The following PDE3A variants were observed in gnomAD, a reference collection of about 807,000 sequenced individuals.
The protein encoded by PDE3A is phosphodiesterase 3A.
In PDE3A, 43 loss-of-function variants were observed where a neutral mutation model predicts 98.3. That is an observed-to-expected ratio of 0.44 (90% CI 0.34 to 0.56). PDE3A has a LOEUF of 0.56. Among genes scored for constraint, PDE3A ranks in the 20% least tolerant of loss-of-function variants. PDE3A has a pLI of 0.01. For missense variants in PDE3A, 1,427 were observed against 1,440.7 expected (o/e 0.99, Z 0.15); for synonymous variants, 663 against 567.9 (o/e 1.17, Z -2.38).
chr12:20,528,707 G>A (rs1946570586), intron 1 of PDE3A, among the ~76,000 whole-genome samples: 1 of 152,142 alleles, frequency 6.6e-6, no homozygotes. Context: ...CTGAAGGGAG[G>A]GAGAGGTACA....
Position 20,643,276 on chromosome 12 carries a change from G to A in PDE3A, c.2252-3214G>A, listed in dbSNP as rs973114397. Among the ~76,000 whole-genome samples the A allele has an allele frequency of 7.2e-5, 11 of 152,142 alleles. 1 individual carries two copies. Among genetic ancestry groups the A allele is most frequent in the Admixed American group, 5.9e-4 (9 of 15,256 alleles). On this transcript the variant is annotated intron_variant, in intron 10 of 15. Transcript: ENST00000359062. Reference sequence around the variant, plus strand: ...ATAGCATTTCTTATCCTTCTCAGTTGCCTACCCTGGCCAGAAGAAGAAGAG... The same window carrying A: ...ATAGCATTTCTTATCCTTCTCAGTTACCTACCCTGGCCAGAAGAAGAAGAG...
chr12:20,509,886 A>G (rs928715118), intron 1 of PDE3A, among the ~76,000 whole-genome samples: 2 of 152,070 alleles, frequency 1.3e-5, no homozygotes, highest in African/African-American at 4.8e-5. Context: ...TAAATTTGAT[A>G]GGTGGAAAAA....
chr12:20,509,043 C>T (rs763093912), intron 1 of PDE3A, among the ~76,000 whole-genome samples: 17 of 151,934 alleles, frequency 1.1e-4, no homozygotes, highest in Middle Eastern at 3.2e-3. Context: ...ATTCTGTTAC[C>T]GTATCTCAAA....
chr12:20,601,483 A>G (rs987174448), intron 2 of PDE3A, among the ~76,000 whole-genome samples: 2 of 152,204 alleles, frequency 1.3e-5, no homozygotes, highest in African/African-American at 4.8e-5. Context: ...GTAAAGTTCC[A>G]CAAAACAGTG....
At chr12:20,534,734 G>A (rs1316968532) in intron 1 of PDE3A, among the ~76,000 whole-genome samples, 1 of 152,122 alleles carries the variant, frequency 6.6e-6, no homozygotes, top group African/African-American at 2.4e-5. Context: ...TGAAATGTCT[G>A]TCCTTTATCT....
chr12:20,417,067 G>T (rs1402423446), intron 1 of PDE3A, among the ~76,000 whole-genome samples: 1 of 152,006 alleles, frequency 6.6e-6, no homozygotes, highest in Non-Finnish European at 1.5e-5. Context: ...ATAAATGATG[G>T]GAAACTTTGT....
intron 15 of PDE3A, among the ~76,000 whole-genome samples, chr12:20,666,001 T>C (rs1015273859): frequency 6.8e-6 from 1 of 146,230 alleles, no homozygotes; most frequent in African/African-American, 2.6e-5. Flanking sequence ...TCTCAGTCTG[T>C]CACCCAGTCT....
At chr12:20,428,428 C>T (rs1944638105) in intron 1 of PDE3A, among the ~76,000 whole-genome samples, 1 of 151,942 alleles carries the variant, frequency 6.6e-6, no homozygotes, top group South Asian at 2.1e-4. Flanking sequence ...TACAGGCGCC[C>T]GCCGCCACGC....
At chr12:20,527,394 C>T (rs1319221459) in intron 1 of PDE3A, among the ~76,000 whole-genome samples, 1 of 151,992 alleles carries the variant, frequency 6.6e-6, no homozygotes, top group East Asian at 1.9e-4. Context: ...TAATAGTTGC[C>T]CCTTTTCCTT....
intron 1 of PDE3A, among the ~76,000 whole-genome samples, chr12:20,414,370 A>G (rs1367917355): frequency 6.6e-6 from 1 of 152,214 alleles, no homozygotes; most frequent in East Asian, 1.9e-4. Context: ...AGTCTTGTAC[A>G]TCATCCAATC....
chr12:20,386,164 A>AAT (rs1419683356), intron 1 of PDE3A, among the ~76,000 whole-genome samples: 1,969 of 95,718 alleles, frequency 0.021, 56 homozygotes, highest in Non-Finnish European at 0.03. Context: ...AATATATATA[A>AAT]ATATATAAAA....
intron 15 of PDE3A, among the ~76,000 whole-genome samples, chr12:20,655,479 A>G (rs7970863): frequency 0.045 from 6,813 of 152,210 alleles, 270 homozygotes; most frequent in African/African-American, 0.1. Context: ...GAATACAGTC[A>G]TGGGTTCTTA....
At chr12:20,411,938 T>C (rs1422708719) in intron 1 of PDE3A, among the ~76,000 whole-genome samples, 1 of 88,786 alleles carries the variant, frequency 1.1e-5, no homozygotes, top group Non-Finnish European at 2.8e-5. Flanking sequence ...TTTATAGTCA[T>C]TTAATTTTCT....
intron 2 of PDE3A, among the ~76,000 whole-genome samples, chr12:20,578,505 ACACG>A (rs1437803668): frequency 3.0e-5 from 4 of 133,400 alleles, no homozygotes; most frequent in African/African-American, 5.2e-5. Flanking sequence ...ACACACACAC[ACACG>A]TAGTACTCAC....
At chr12:20,678,730 C>T (rs1459978458) in intron 15 of PDE3A, among the ~76,000 whole-genome samples, 6 of 152,326 alleles carry the variant, frequency 3.9e-5, no homozygotes, top group South Asian at 4.1e-4. Context: ...AATTACACCT[C>T]GCAAACCGAC....
intron 15 of PDE3A, among the ~76,000 whole-genome samples, chr12:20,677,717 C>T (rs1945677805): frequency 6.6e-6 from 1 of 152,200 alleles, no homozygotes; most frequent in African/African-American, 2.4e-5. Flanking sequence ...TCTCAGCCTT[C>T]CAAAGTGCTG....
intron 1 of PDE3A, among the ~76,000 whole-genome samples, chr12:20,448,435 C>T (rs371779700): frequency 4.9e-4 from 75 of 152,268 alleles, no homozygotes; most frequent in African/African-American, 1.7e-3. Context: ...GAGCGAAACT[C>T]TGTCTCCAGG....
intron 1 of PDE3A, among the ~76,000 whole-genome samples, chr12:20,484,430 C>G (rs973816333): frequency 1.3e-5 from 2 of 152,140 alleles, no homozygotes; most frequent in African/African-American, 4.8e-5. Context: ...CAACGTATCT[C>G]TCTTGTACAA....
rs1360250786 is a variant in PDE3A, at chr12:20,369,409, G to T, written c.125G>T (p.Gly42Val). ...GACCCCGCATCGCCGCGGGACTCGGGCTGCCGTGGCTGCTGGGGAGACCTG... is the reference window on the plus strand; with the variant it reads ...GACCCCGCATCGCCGCGGGACTCGGTCTGCCGTGGCTGCTGGGGAGACCTG... ...RADPASPRDS[G>V]CRGCWGDLVL... is the part of the protein sequence containing the mutation. The change falls in exon 1 of 16, where the codon GGC becomes GTC. Residue 42 changes from glycine (G) to valine (V), a missense_variant. This residue lies in a region of PDE3A where 1,012 missense variants were observed against 886.5 expected (regional missense o/e 1.14). Transcript: ENST00000359062. 1 of 1,553,438 alleles carries T rather than the reference G, an allele frequency of 6.4e-7. No individual in the cohort carries two copies. The highest frequency in any genetic ancestry group is 1.4e-5 in the African/African-American group (1 of 73,330).
Sources: gnomAD v4.1 joint callset for allele counts (sites outside exome capture counted in the v4.1 genomes callset) on GRCh38, gnomAD v4.1.1 for gene constraint, gnomAD v4.1.1 regional missense constraint, MANE v1.5 for transcripts, NCBI Gene and HGNC (gene_info 2026-07-23, HGNC 2026-07-21) for gene names.